The following CCDC171 variants were observed in gnomAD, a reference collection of about 807,000 sequenced individuals.
CCDC171 encodes coiled-coil domain containing 171, also known as coiled-coil domain-containing protein 171.
In CCDC171, 177 loss-of-function variants were observed where a neutral mutation model predicts 168.2. The observed-to-expected ratio is 1.05, with a 90% confidence interval of 0.93 to 1.19. CCDC171 has a LOEUF of 1.19. CCDC171 is among the 50% of genes most tolerant of loss of function. The pLI is 0.00. For missense variants in CCDC171, 1,991 were observed against 1,539.0 expected (o/e 1.29, Z -4.91); for synonymous variants, 687 against 540.8 (o/e 1.27, Z -3.75).
chr9:15,732,334 C>G lies in CCDC171; in HGVS notation c.2049+2536C>G, dbSNP rs1396705. 6.8e-4 allele frequency among the ~76,000 whole-genome samples: 103 copies of G among 152,164 alleles called. 1 individual carries two copies. The highest frequency in any genetic ancestry group is 2.4e-3 in the African/African-American group (99 of 41,534). Reference sequence around the variant, plus strand: ...TAGCTTTTACGTCTAAGTTTGTGATCCCTCTCAAATTAATTTTTGTGTGTG... The same window carrying G: ...TAGCTTTTACGTCTAAGTTTGTGATGCCTCTCAAATTAATTTTTGTGTGTG... On this transcript the variant is annotated intron_variant, in intron 16 of 25. Coordinates refer to ENST00000380701, the MANE Select transcript of CCDC171 (RefSeq NM_173550.4).
intron 10 of CCDC171, among the ~76,000 whole-genome samples, chr9:15,683,617 C>G (rs1018682766): frequency 6.6e-6 from 1 of 151,952 alleles, no homozygotes; most frequent in African/African-American, 2.4e-5. Context: ...GCGTAAGTGT[C>G]TTTGTGTATT....
intron 18 of CCDC171, among the ~76,000 whole-genome samples, chr9:15,761,402 A>C (rs866323203): frequency 7.4e-4 from 113 of 152,312 alleles, no homozygotes; most frequent in African/African-American, 2.6e-3. Flanking sequence ...TATATTTAAA[A>C]GTGCTGAGGC....
intron 4 of CCDC171, among the ~76,000 whole-genome samples, chr9:16,021,584 T>C (rs1039364417): frequency 2.6e-5 from 4 of 152,340 alleles, no homozygotes; most frequent in Admixed American, 2.0e-4. Context: ...AATTGCTTAA[T>C]CTCTCTAAGA....
intron 23 of CCDC171, among the ~76,000 whole-genome samples, chr9:15,850,041 A>G (rs902083654): frequency 6.6e-6 from 1 of 151,984 alleles, no homozygotes; most frequent in Non-Finnish European, 1.5e-5. Flanking sequence ...TAGTCAGTAT[A>G]GTTTAAATAT....
At chr9:15,709,965 C>T (rs549351928) in intron 11 of CCDC171, among the ~76,000 whole-genome samples, 1 of 152,118 alleles carries the variant, frequency 6.6e-6, no homozygotes, top group Admixed American at 6.5e-5. Flanking sequence ...ATCTACTTCC[C>T]CTCTGCTGTA....
At chr9:15,966,653 C>G (rs559025022) in intron 25 of CCDC171, among the ~76,000 whole-genome samples, 107 of 152,270 alleles carry the variant, frequency 7.0e-4, no homozygotes, top group African/African-American at 2.4e-3. Flanking sequence ...TCTAGGCACA[C>G]TGGGCCCTTA....
chr9:15,770,396 G>C (rs748327874), intron 18 of CCDC171, among the ~76,000 whole-genome samples: 11 of 152,098 alleles, frequency 7.2e-5, no homozygotes, highest in Non-Finnish European at 1.2e-4. Context: ...AGAAAAATTA[G>C]TTTCCTTTGT....
At chr9:16,065,523 G>T (rs1833981474), downstream of CCDC171, among the ~76,000 whole-genome samples, 1 of 152,218 alleles carries the variant, frequency 6.6e-6, no homozygotes, top group South Asian at 2.1e-4. Flanking sequence ...GTGAGCTGAA[G>T]TGGAGGAAGA....
Position 15,996,544 on chromosome 9 carries a change from G to A in CCDC171, n.369-24045G>A, listed in dbSNP as rs190721768. Among the ~76,000 whole-genome samples the A allele has an allele frequency of 1.4e-3, 217 of 149,718 alleles. No homozygotes were observed. The Middle Eastern group carries it at 0.024, about 17-fold the overall frequency. ...TGGAATTTTCGACTTGTGGCATCAT[G>A]TCGGCACTCAAAATGTTTTGGATTT... On this transcript the variant is annotated intron_variant and non_coding_transcript_variant, in intron 3 of 9. Transcript: ENST00000486641.
intron 21 of CCDC171, among the ~76,000 whole-genome samples, chr9:15,791,001 C>T (rs2058229698): frequency 6.6e-6 from 1 of 152,050 alleles, no homozygotes; most frequent in Non-Finnish European, 1.5e-5. Flanking sequence ...TTACTGTAGC[C>T]TTTTAGTGTA....
chr9:15,561,727 T>G (rs2039317289), intron 1 of CCDC171, among the ~76,000 whole-genome samples: 2 of 152,136 alleles, frequency 1.3e-5, no homozygotes, highest in Admixed American at 6.6e-5. Flanking sequence ...GTATCAACTT[T>G]GGTCCTTCAT....
chr9:16,107,358 T>C, the CCDC171 span, among the ~76,000 whole-genome samples: 1 of 152,194 alleles, frequency 6.6e-6, no homozygotes, highest in Admixed American at 6.5e-5. Context: ...TATCTGCTTA[T>C]GGACTTTACG....
At chr9:16,043,772 T>C (rs1402189329) in intron 1 of CCDC171, among the ~76,000 whole-genome samples, 1 of 152,246 alleles carries the variant, frequency 6.6e-6, no homozygotes, top group Non-Finnish European at 1.5e-5. Flanking sequence ...CATCTCATAG[T>C]AAATTTGAGA....
chr9:15,559,811 G>GT (rs1303028461), intron 1 of CCDC171, among the ~76,000 whole-genome samples: 3 of 152,072 alleles, frequency 2.0e-5, no homozygotes, highest in African/African-American at 7.2e-5. Context: ...AGTTGATGCA[G>GT]TTTTTTTCCT....
intron 24 of CCDC171, 142 bp from the exon 25 acceptor site, chr9:15,920,128 T>G: frequency 2.1e-6 from 1 of 470,742 alleles, no homozygotes; most frequent in Non-Finnish European, 3.7e-6. Flanking sequence ...ATATAAAATG[T>G]TAGGTTTAGC....
At chr9:15,997,965 G>T (rs1382870471) in intron 3 of CCDC171, among the ~76,000 whole-genome samples, 1 of 152,178 alleles carries the variant, frequency 6.6e-6, no homozygotes, top group African/African-American at 2.4e-5. Context: ...GCCTGCTGGA[G>T]CCTGGACACA....
intron 23 of CCDC171, among the ~76,000 whole-genome samples, chr9:15,871,108 C>T (rs61312344): frequency 6.6e-6 from 1 of 151,034 alleles, no homozygotes; most frequent in Non-Finnish European, 1.5e-5. Context: ...TTCTAAAAAT[C>T]AAAATTTTAG....
At chr9:15,656,939 GA>G (rs570541363) in intron 7 of CCDC171, among the ~76,000 whole-genome samples, 187 bp from the exon 8 acceptor site, 1 of 148,624 alleles carries the variant, frequency 6.7e-6, no homozygotes, top group African/African-American at 2.5e-5. Context: ...AAAGTGTAAA[GA>G]AAAAAAAGCA....
At position 15,856,483 on chromosome 9, in the gene CCDC171, C is replaced by T. The variant is rs148668815; in HGVS notation, c.3468+7536C>T. ...CACTTAGTATAATGTCCTCAAGGTTCATCCATTTTGTTGTATTTCATAAGA... is the reference window on the plus strand; with the variant it reads ...CACTTAGTATAATGTCCTCAAGGTTTATCCATTTTGTTGTATTTCATAAGA... On this transcript the variant is annotated intron_variant, in intron 23 of 25. Transcript: ENST00000380701. 2.7e-3 allele frequency among the ~76,000 whole-genome samples: 406 copies of T among 152,040 alleles called. 6 individuals are homozygous for T. Among genetic ancestry groups the T allele is most frequent in the African/African-American group, 9.1e-3 (379 of 41,504 alleles).
Sources: gnomAD v4.1 joint callset for allele counts (sites outside exome capture counted in the v4.1 genomes callset) on GRCh38, gnomAD v4.1.1 for gene constraint, MANE v1.5 for transcripts, NCBI Gene and HGNC (gene_info 2026-07-23, HGNC 2026-07-21) for gene names.